SLC35B3: variants seen among roughly 807,000 people sequenced by gnomAD.
SLC35B3 encodes adenosine 3'-phospho 5'-phosphosulfate transporter 2.
A neutral mutation model predicts 44.1 loss-of-function variants in SLC35B3; 35 were observed. That is an observed-to-expected ratio of 0.79 (90% CI 0.61 to 1.05). The LOEUF (loss-of-function observed/expected upper bound fraction) is 1.05, where lower values mean the gene tolerates loss of function less well. SLC35B3 is among the 50% of genes least tolerant of loss of function. The pLI is 0.00. For synonymous variants in SLC35B3, 146 were observed against 167.3 expected (o/e 0.87, Z 0.98); for missense variants, 414 against 476.4 (o/e 0.87, Z 1.22).
chr6:8,430,081 T>A lies in SLC35B3; in HGVS notation c.80A>T (p.Glu27Val), dbSNP rs139786593. 5.6e-6 allele frequency: 9 copies of A among 1,613,662 alleles called. No homozygotes were observed. The African/African-American group carries it at 1.1e-4, about 19-fold the overall frequency. ...GAGATCCATTGTTATTTTGCTGCAT[T>A]CAATGCTTTCAGAGTTATTTTTGTT... The change falls in exon 3 of 11, where the codon GAA becomes GTA. Residue 27 changes from glutamate to valine, a missense_variant. Transcript: ENST00000644923.
At chr6:8,415,092 A>C in intron 9 of SLC35B3, 115 bp from the exon 9 acceptor site, 2 of 584,382 alleles carry the variant, frequency 3.4e-6, no homozygotes, top group Non-Finnish European at 5.9e-6. Flanking sequence ...TTGAGGTGCC[A>C]AGGTGACAAT....
chr6:8,422,742 G>T, intron 4 of SLC35B3, 118 bp from the exon 4 acceptor site: 1 of 743,816 alleles, frequency 1.3e-6, no homozygotes, highest in South Asian at 2.3e-5. Context: ...TACTATTTCT[G>T]GAAATATCAG....
intron 4 of SLC35B3, among the ~76,000 whole-genome samples, chr6:8,423,816 C>G (rs1763160803): frequency 6.6e-6 from 1 of 152,030 alleles, no homozygotes; most frequent in South Asian, 2.1e-4. Flanking sequence ...CCATGAAAAT[C>G]CACGTGGAAA....
intron 3 of SLC35B3, among the ~76,000 whole-genome samples, chr6:8,429,046 A>G (rs1454496506): frequency 1.3e-5 from 2 of 152,240 alleles, no homozygotes; most frequent in Non-Finnish European, 2.9e-5. Flanking sequence ...CTAACTTTTT[A>G]GTACTAAAGA....
Position 8,434,434 on chromosome 6 carries a change from T to C in SLC35B3, c.-43-4A>G, listed in dbSNP as rs1432716003. The stretch of plus-strand genomic sequence containing the variant: ...GCGCTCCGGAATCAATCATGGCCTA[T>C]GGTGTACGATTATAAAACAGAAAAA... On this transcript the variant is annotated splice_polypyrimidine_tract_variant and splice_region_variant and intron_variant, in intron 1 of 10. Transcript: ENST00000644923. This position sits in a 1 kb window ranked among gnomAD's most constrained non-coding sequence, Gnocchi z 6.3. 1 of 1,609,698 alleles carries C rather than the reference T, an allele frequency of 6.2e-7. No homozygotes were observed. The highest frequency in any genetic ancestry group is 1.1e-5 in the South Asian group (1 of 90,480).
In SLC35B3 at chr6:8,414,996, A is replaced by G. The variant is rs373042127; in HGVS notation, c.986-19T>C. On this transcript the variant is annotated intron_variant, in intron 9 of 10. Transcript: ENST00000644923. ...GTTGTCACTGTAGGAGCAAAAAATT[A>G]GTTTAGAATGTGCCTATTATCTTGA... The G allele has an allele frequency of 6.5e-7, 1 of 1,543,264 alleles. No homozygotes were observed. The highest frequency in any genetic ancestry group is 8.9e-7 in the Non-Finnish European group (1 of 1,120,802).
intron 7 of SLC35B3, among the ~76,000 whole-genome samples, chr6:8,418,015 T>G (rs1762573448): frequency 6.6e-6 from 1 of 152,144 alleles, no homozygotes; most frequent in African/African-American, 2.4e-5. Context: ...AAATATCTGC[T>G]GTGTGTCAGG....
Position 8,434,129 on chromosome 6 carries a change from T to C in SLC35B3, c.3+256A>G, listed in dbSNP as rs1369354897. ...AGATATTCAACTTCAACTGCTAAAA[T>C]GGAATAAAAAGGTAGCATTTCCGGC... On this transcript the variant is annotated intron_variant, in intron 2 of 10. Transcript: ENST00000644923. The surrounding 1 kb of genome is among the most constrained non-coding windows in gnomAD (Gnocchi z 6.3). Among the ~76,000 whole-genome samples, 1 of 151,634 alleles carries C rather than the reference T, an allele frequency of 6.6e-6. No individual in the cohort carries two copies. Among genetic ancestry groups the C allele is most frequent in the African/African-American group, 2.4e-5 (1 of 41,250 alleles).
At chr6:8,425,178 A>G (rs1763298615) in intron 4 of SLC35B3, among the ~76,000 whole-genome samples, 2 of 152,186 alleles carry the variant, frequency 1.3e-5, no homozygotes, top group Non-Finnish European at 2.9e-5. Context: ...TCATCGGGGT[A>G]GCTGATAGGG....
At chr6:8,422,907 GT>G (rs57405337) in intron 4 of SLC35B3, among the ~76,000 whole-genome samples, 4,774 of 146,236 alleles carry the variant, frequency 0.033, 229 homozygotes, top group African/African-American at 0.1. Flanking sequence ...TTGACAAAAG[GT>G]TTTTTTTTTT....
chr6:8,418,272 C>T (rs1762594716), intron 7 of SLC35B3, among the ~76,000 whole-genome samples: 1 of 152,108 alleles, frequency 6.6e-6, no homozygotes, highest in South Asian at 2.1e-4. Context: ...TCAATTCTCT[C>T]TGTGCCCATC....
intron 4 of SLC35B3, among the ~76,000 whole-genome samples, chr6:8,424,890 A>C (rs759025420): frequency 6.6e-5 from 10 of 152,190 alleles, no homozygotes; most frequent in Non-Finnish European, 1.5e-4. Flanking sequence ...ATTCACATAA[A>C]TGTGGGAAGA....
At chr6:8,427,729 TA>T (rs1422042530) in intron 4 of SLC35B3, among the ~76,000 whole-genome samples, 2 of 152,224 alleles carry the variant, frequency 1.3e-5, no homozygotes, top group Non-Finnish European at 2.9e-5. Context: ...CTAAAGCTAA[TA>T]TTTTTTTATT....
rs9379195 is a variant in SLC35B3, at chr6:8,434,258, G to T, written c.3+127C>A. 6 of 824,986 alleles carry T rather than the reference G, an allele frequency of 7.3e-6. No individual in the cohort carries two copies. The South Asian group carries it at 9.7e-5, about 13-fold the overall frequency. 51.1% of individuals were successfully genotyped at this position (824,986 alleles called of 1,614,324 possible). On this transcript the variant is annotated intron_variant, in intron 2 of 10. Coordinates refer to ENST00000644923, the MANE Select transcript of SLC35B3 (RefSeq NM_001370476.2). This position sits in a 1 kb window ranked among gnomAD's most constrained non-coding sequence, Gnocchi z 6.3. Reference sequence around the variant, plus strand: ...TTATTTTTGAGTTTTCCGACCTGAAGGACAAAAGTCCCACACCAAAAAAAG... The same window carrying T: ...TTATTTTTGAGTTTTCCGACCTGAATGACAAAAGTCCCACACCAAAAAAAG...
chr6:8,420,691 A>G lies in SLC35B3; in HGVS notation c.682+30T>C. The G allele has an allele frequency of 1.3e-6, 2 of 1,523,698 alleles. No individual in the cohort carries two copies. The highest frequency in any genetic ancestry group is 1.2e-5 in the South Asian group (1 of 85,632). 94.4% of individuals were successfully genotyped at this position (1,523,698 alleles called of 1,614,324 possible). Reference sequence around the variant, plus strand: ...TCGTATTCTAAACTAAAAAGCCTATAAAAGCTAGGAATATAAATAAATTAC... The same window carrying G: ...TCGTATTCTAAACTAAAAAGCCTATGAAAGCTAGGAATATAAATAAATTAC... On this transcript the variant is annotated intron_variant, in intron 6 of 10. Transcript: ENST00000644923. This position sits in a 1 kb window ranked among gnomAD's most constrained non-coding sequence, Gnocchi z 4.4.
In SLC35B3 at chr6:8,420,677, A is replaced by C; in HGVS notation, c.682+44T>G. On this transcript the variant is annotated intron_variant, in intron 6 of 10. Transcript: ENST00000644923. The surrounding 1 kb of genome is among the most constrained non-coding windows in gnomAD (Gnocchi z 4.4). ...AAAATATTCGAAATTCGTATTCTAA[A>C]CTAAAAAGCCTATAAAAGCTAGGAA... 1 of 1,422,806 alleles carries C rather than the reference A, an allele frequency of 7.0e-7. No homozygotes were observed. Among genetic ancestry groups the C allele is most frequent in the Non-Finnish European group, 9.7e-7 (1 of 1,025,940 alleles). The allele number at this position is 1,422,806 out of a possible 1,614,324, so 88.1% of individuals were successfully genotyped here.
At position 8,417,494 on chromosome 6, in the gene SLC35B3, C is replaced by A; in HGVS notation, c.781G>T (p.Val261Leu). 1 of 1,545,414 alleles carries A rather than the reference C, an allele frequency of 6.5e-7. No individual in the cohort carries two copies. Among genetic ancestry groups the A allele is most frequent in the Non-Finnish European group, 8.7e-7 (1 of 1,143,280 alleles). ...AAACCAATTGAATACGAATACAATA[C>A]CTAGAGCAGATAAAAATAAAGCAGA... The change falls in exon 8 of 11, where the codon GTA (valine) becomes TTA (leucine). Residue 261 changes from valine (V) to leucine (L), a missense_variant and splice_region_variant. Coordinates refer to ENST00000644923, the MANE Select transcript of SLC35B3 (RefSeq NM_001370476.2).
rs776948829 is a variant in SLC35B3 at position 8,429,891 on chromosome 6, T to C, written c.270A>G (p.Val90=). The C allele has an allele frequency of 1.1e-5, 17 of 1,598,540 alleles. No homozygotes were observed. The African/African-American group carries it at 2.0e-4, about 19-fold the overall frequency. ...GTAAATACCCATAAATTAGGTAAAA[T>C]ACAAAAACTCCAGCAACACATATGA... The change falls in exon 3 of 11, where the codon GTA becomes GTG. Residue 90 remains valine, a synonymous_variant. Transcript: ENST00000644923.
rs202129168 is a variant in SLC35B3, at chr6:8,429,922, T to C, written c.239A>G (p.Gln80Arg). Residue 80 changes from glutamine to arginine, a missense_variant, in exon 3 of 11, where the codon CAG becomes CGG. Coordinates refer to ENST00000644923, the MANE Select transcript of SLC35B3 (RefSeq NM_001370476.2). The stretch of plus-strand genomic sequence containing the variant: ...AACTCCAGCAACACATATGAAAAAC[T>C]GAGTAAGTTTGTTAAACTTGCTGAG... 5.3e-5 allele frequency: 85 copies of C among 1,610,244 alleles called. 2 individuals carry two copies. The East Asian group carries it at 8.9e-4, about 17-fold the overall frequency.
Sources: allele counts gnomAD v4.1 joint callset (sites outside exome capture counted in the v4.1 genomes callset), GRCh38; gene constraint gnomAD v4.1.1; non-coding constraint Gnocchi (gnomAD v3.1); transcripts MANE v1.5; gene names NCBI Gene and HGNC (gene_info 2026-07-23, HGNC 2026-07-21).